The following MPP7 variants were observed in gnomAD, a reference collection of about 807,000 sequenced individuals.
MPP7 encodes MAGUK p55 subfamily member 7.
In MPP7, 60 loss-of-function variants were observed where a neutral mutation model predicts 76.5. The ratio of observed to expected loss-of-function variants is 0.78; its 90% CI spans 0.64 to 0.97. The LOEUF (loss-of-function observed/expected upper bound fraction) is 0.97. MPP7 is among the 50% of genes least tolerant of loss of function. MPP7 has a pLI of 0.00. For synonymous variants in MPP7, 237 were observed against 244.5 expected (o/e 0.97, Z 0.29); for missense variants, 641 against 694.0 (o/e 0.92, Z 0.86).
chr10:28,230,307 C>G (rs1396416113), intron 2 of MPP7, among the ~76,000 whole-genome samples: 4 of 151,866 alleles, frequency 2.6e-5, no homozygotes, highest in Non-Finnish European at 5.9e-5. Context: ...ATTGAAAATA[C>G]TCTAGTTAAA....
intron 5 of MPP7, among the ~76,000 whole-genome samples, chr10:28,143,769 C>T (rs1286685525): frequency 1.4e-5 from 2 of 141,544 alleles, no homozygotes; most frequent in Admixed American, 7.0e-5. Context: ...TCCAAGACCA[C>T]GTATTACAAT....
At chr10:28,154,903 T>G (rs879527597) in intron 3 of MPP7, among the ~76,000 whole-genome samples, 7 of 149,954 alleles carry the variant, frequency 4.7e-5, no homozygotes, top group African/African-American at 1.2e-4. Context: ...TCAGTAATTG[T>G]TTTTTTTTTC....
At chr10:28,096,110 G>A (rs897265687) in intron 11 of MPP7, among the ~76,000 whole-genome samples, 4 of 152,100 alleles carry the variant, frequency 2.6e-5, no homozygotes, top group Non-Finnish European at 5.9e-5. Flanking sequence ...AACTGTAAAG[G>A]GAGAGATCTG....
rs542285098 is a variant in MPP7 at position 28,059,669 on chromosome 10, T to C, written c.1279A>G (p.Thr427Ala). 1.2e-6 allele frequency: 2 copies of C among 1,613,058 alleles called. No individual in the cohort carries two copies. Among genetic ancestry groups the C allele is most frequent in the Admixed American group, 1.7e-5 (1 of 59,990 alleles). Residue 427 changes from threonine to alanine, a missense_variant, in exon 14 of 17, where the codon ACA (threonine) becomes GCA (alanine). Transcript: ENST00000683449. ...ACATACTTGTTATTTTGTACATCTG[T>C]CTCAAACAAATGCTTGGAAATGAAA... ...YIFISKHLFE[T>A]DVQNNKFIEY...
At chr10:28,073,353 C>T (rs950028525) in intron 12 of MPP7, among the ~76,000 whole-genome samples, 19 of 152,180 alleles carry the variant, frequency 1.2e-4, no homozygotes, top group African/African-American at 4.1e-4. Context: ...GCTGTCCTTC[C>T]ATATTATCTA....
At chr10:28,143,911 G>C (rs1396092573) in intron 5 of MPP7, among the ~76,000 whole-genome samples, 2 of 146,062 alleles carry the variant, frequency 1.4e-5, no homozygotes, top group Non-Finnish European at 3.0e-5. Context: ...GTGAGACTGA[G>C]TTTCACTCTT....
At chr10:28,236,641 G>A (rs534072924) in intron 2 of MPP7, 2 of 151,440 alleles carry the variant, frequency 1.3e-5, no homozygotes. Flanking sequence ...TTTTTTCTTC[G>A]TGAAATAAGC....
intron 11 of MPP7, among the ~76,000 whole-genome samples, chr10:28,112,344 C>T (rs1190601502): frequency 1.3e-5 from 2 of 152,060 alleles, no homozygotes; most frequent in Non-Finnish European, 2.9e-5. Flanking sequence ...AGATTAAATA[C>T]TACACCCTCG....
intron 1 of MPP7, among the ~76,000 whole-genome samples, chr10:28,263,663 C>T (rs896293041): frequency 1.3e-5 from 2 of 152,058 alleles, no homozygotes; most frequent in African/African-American, 4.8e-5. Flanking sequence ...AGCTGGCCCA[C>T]GATCTGCAAA....
chr10:28,312,204 T>G (rs1841293882), intron 2 of MPP7, among the ~76,000 whole-genome samples: 1 of 152,172 alleles, frequency 6.6e-6, no homozygotes, highest in Admixed American at 6.5e-5. Flanking sequence ...TTTTGTCCCC[T>G]CGCATGTTCT....
chr10:28,244,830 C>T (rs376996965), intron 1 of MPP7, among the ~76,000 whole-genome samples: 17 of 152,080 alleles, frequency 1.1e-4, no homozygotes, highest in African/African-American at 3.6e-4. Flanking sequence ...AGTGCGGGCT[C>T]GGGAAGGCAC....
intron 1 of MPP7, among the ~76,000 whole-genome samples, chr10:28,294,837 T>C (rs1358661383): frequency 6.6e-6 from 1 of 152,214 alleles, no homozygotes; most frequent in Non-Finnish European, 1.5e-5. Flanking sequence ...AACAAAATAC[T>C]ATATTATTTC....
At chr10:28,256,207 G>T (rs1410393624) in intron 1 of MPP7, among the ~76,000 whole-genome samples, 1 of 151,602 alleles carries the variant, frequency 6.6e-6, no homozygotes, top group East Asian at 1.9e-4. Flanking sequence ...AAGTTACCAA[G>T]GTCAAACACC....
At chr10:28,070,597 A>C (rs968204194) in intron 12 of MPP7, among the ~76,000 whole-genome samples, 2 of 152,242 alleles carry the variant, frequency 1.3e-5, no homozygotes, top group African/African-American at 4.8e-5. Context: ...TCTGCTAAAC[A>C]ATCAGCCACA....
chr10:28,064,050 C>T (rs1423149156), intron 13 of MPP7, among the ~76,000 whole-genome samples: 1 of 152,132 alleles, frequency 6.6e-6, no homozygotes, highest in Non-Finnish European at 1.5e-5. Flanking sequence ...AAAAATTAAA[C>T]CGTATGGCCT....
At chr10:28,195,841 C>T (rs1837563309) in intron 3 of MPP7, among the ~76,000 whole-genome samples, 1 of 152,014 alleles carries the variant, frequency 6.6e-6, no homozygotes, top group Non-Finnish European at 1.5e-5. Context: ...ACAAAATAAA[C>T]AAAATAAATA....
At chr10:28,177,212 C>T (rs1292316671) in intron 3 of MPP7, among the ~76,000 whole-genome samples, 4 of 139,324 alleles carry the variant, frequency 2.9e-5, no homozygotes, top group South Asian at 2.3e-4. Flanking sequence ...GTCATGAGTT[C>T]GAGACCAGCC....
chr10:28,248,755 T>G (rs975565432), intron 1 of MPP7, among the ~76,000 whole-genome samples: 2 of 152,176 alleles, frequency 1.3e-5, no homozygotes, highest in African/African-American at 4.8e-5. Context: ...ACCACTGTGT[T>G]CCAATTGCCA....
chr10:28,281,180 A>C (rs1237252388), intron 1 of MPP7, among the ~76,000 whole-genome samples: 1 of 151,970 alleles, frequency 6.6e-6, no homozygotes, highest in Non-Finnish European at 1.5e-5. Context: ...CCCAGGTTCA[A>C]GCAATTCTCC....
Sources: gnomAD v4.1 joint callset for allele counts (sites outside exome capture counted in the v4.1 genomes callset) on GRCh38, gnomAD v4.1.1 for gene constraint, MANE v1.5 for transcripts, NCBI Gene and HGNC (gene_info 2026-07-23, HGNC 2026-07-21) for gene names.